The following EDA variants were observed in gnomAD, a reference collection of about 807,000 sequenced individuals.
EDA encodes the protein ectodysplasin-A.
A neutral mutation model predicts 23.6 loss-of-function variants in EDA; 2 were observed. That is an observed-to-expected ratio of 0.08 (90% CI 0.03 to 0.27). The LOEUF (loss-of-function observed/expected upper bound fraction) is 0.27. Among genes scored for constraint, EDA ranks in the 10% least tolerant of loss-of-function variants. The pLI, the probability that EDA is intolerant of heterozygous loss-of-function variation, is 1.00. For synonymous variants in EDA, 131 were observed against 132.0 expected (o/e 0.99, Z 0.05); for missense variants, 229 against 324.2 (o/e 0.71, Z 2.26).
At chrX:70,011,465 G>C (rs1330247901) in intron 2 of EDA, among the ~76,000 whole-genome samples, 1 of 109,707 alleles carries the variant, frequency 9.1e-6, no homozygotes, top group East Asian at 2.9e-4. Context: ...CGAGTAGCTG[G>C]GACTACAGGC....
At chrX:69,689,163 T>C (rs1012695111) in intron 1 of EDA, among the ~76,000 whole-genome samples, 1 of 111,888 alleles carries the variant, frequency 8.9e-6, no homozygotes, top group Non-Finnish European at 1.9e-5. Flanking sequence ...TGTAGCTTTG[T>C]TGTAAGTTTT....
chrX:69,730,936 T>C (rs2013000531), intron 1 of EDA, among the ~76,000 whole-genome samples: 1 of 112,621 alleles, frequency 8.9e-6, no homozygotes, highest in Non-Finnish European at 1.9e-5. Context: ...GTGAATTTTA[T>C]TATTCATTAA....
At chrX:69,679,400 C>T (rs946366554) in intron 1 of EDA, among the ~76,000 whole-genome samples, 5 of 110,877 alleles carry the variant, frequency 4.5e-5, no homozygotes, top group Admixed American at 1.9e-4. Context: ...AGGAATGGTA[C>T]GAGTTCCTCC....
chrX:69,782,169 A>G (rs1334729519), intron 1 of EDA, among the ~76,000 whole-genome samples: 1 of 109,472 alleles, frequency 9.1e-6, no homozygotes, highest in Non-Finnish European at 1.9e-5. Context: ...GGCTACAGAT[A>G]TGGAAAGCTG....
chrX:69,897,129 C>T (rs2018028527), intron 1 of EDA, among the ~76,000 whole-genome samples: 1 of 110,332 alleles, frequency 9.1e-6, no homozygotes, highest in African/African-American at 3.3e-5. Context: ...TTGCACAAAC[C>T]TATGCCTCTC....
chrX:69,848,323 T>G (rs1361559473), intron 1 of EDA, among the ~76,000 whole-genome samples: 1 of 111,412 alleles, frequency 9.0e-6, no homozygotes, highest in African/African-American at 3.3e-5. Flanking sequence ...CTAGGACCAG[T>G]TCTTTTGGCA....
At chrX:69,754,339 G>A (rs2520393) in intron 1 of EDA, among the ~76,000 whole-genome samples, 33,845 of 110,430 alleles carry the variant, frequency 0.31, 4,891 homozygotes, top group Middle Eastern at 0.57. Flanking sequence ...AGTTTGGCTG[G>A]GTATGAAATT....
intron 1 of EDA, among the ~76,000 whole-genome samples, chrX:69,677,656 C>T (rs1398604622): frequency 8.9e-6 from 1 of 112,407 alleles, no homozygotes; most frequent in East Asian, 2.8e-4. Flanking sequence ...ATGTCCTTTG[C>T]CCACTTTTTG....
intron 2 of EDA, among the ~76,000 whole-genome samples, chrX:70,004,367 G>A (rs779968658): frequency 9.0e-5 from 10 of 111,622 alleles, no homozygotes; most frequent in Non-Finnish European, 1.5e-4. Flanking sequence ...GGATGGGGCG[G>A]GATGAAAATC....
chrX:69,818,940 C>A (rs2016146089), intron 1 of EDA, among the ~76,000 whole-genome samples: 1 of 111,942 alleles, frequency 8.9e-6, no homozygotes, highest in Non-Finnish European at 1.9e-5. Flanking sequence ...AGGCCAATAA[C>A]CTTAGTGAAC....
chrX:69,937,777 A>T (rs1467852601), intron 1 of EDA: 1 of 1,192,568 alleles, frequency 8.4e-7, no homozygotes, highest in Non-Finnish European at 1.1e-6. Flanking sequence ...TCATTTATAA[A>T]TGTCAGTCCT....
At chrX:70,030,730 C>CA (rs1255214900) in intron 6 of EDA, among the ~76,000 whole-genome samples, 3 of 112,516 alleles carry the variant, frequency 2.7e-5, no homozygotes, top group Non-Finnish European at 1.9e-5. Context: ...GCTTTAGAAT[C>CA]ACTGATGACG....
chrX:69,906,679 CAATCATCAGCGCA>C (rs1444179241), intron 1 of EDA, among the ~76,000 whole-genome samples: 11 of 111,375 alleles, frequency 9.9e-5, no homozygotes, highest in Admixed American at 3.9e-4. Context: ...TCTGTATTCT[CAATCATCAGCGCA>C]AATTGACAGC....
At chrX:69,888,978 T>A (rs201848716) in intron 1 of EDA, among the ~76,000 whole-genome samples, 1,468 of 15,894 alleles carry the variant, frequency 0.092, 91 homozygotes, top group South Asian at 0.16. Flanking sequence ...TGTGGGGTAG[T>A]TATATATATA....
chrX:69,713,853 C>T (rs1479319884), intron 1 of EDA, among the ~76,000 whole-genome samples: 1 of 109,826 alleles, frequency 9.1e-6, no homozygotes, highest in African/African-American at 3.3e-5. Context: ...TTTGTTTGAA[C>T]ATGTTTTTAT....
chrX:69,780,118 G>C (rs1190265563), intron 1 of EDA, among the ~76,000 whole-genome samples: 2 of 107 alleles, frequency 0.019, no homozygotes, highest in African/African-American at 0.08. Context: ...AAATGCATTG[G>C]CTCTAAAAGA....
At chrX:69,668,449 G>GT (rs932536852) in intron 1 of EDA, among the ~76,000 whole-genome samples, 2 of 111,807 alleles carry the variant, frequency 1.8e-5, no homozygotes, top group African/African-American at 6.5e-5. Context: ...GGATGGAAAG[G>GT]TTTTTTTATA....
intron 1 of EDA, chrX:69,749,797 T>A (rs2013752549): frequency 9.0e-6 from 1 of 110,818 alleles, no homozygotes; most frequent in African/African-American, 3.3e-5. Flanking sequence ...ATAACACAGA[T>A]AACTTTCCGT....
At chrX:69,858,606 T>C (rs2017309242) in intron 1 of EDA, among the ~76,000 whole-genome samples, 1 of 112,067 alleles carries the variant, frequency 8.9e-6, no homozygotes, top group South Asian at 3.7e-4. Context: ...GATAAGCTTT[T>C]TGATGTGCTG....
Sources: gnomAD v4.1 joint callset for allele counts (sites outside exome capture counted in the v4.1 genomes callset) on GRCh38, gnomAD v4.1.1 for gene constraint, MANE v1.5 for transcripts, NCBI Gene and HGNC (gene_info 2026-07-23, HGNC 2026-07-21) for gene names.